GLG1: variants seen among roughly 807,000 people sequenced by gnomAD.
GLG1 encodes Golgi apparatus protein 1.
Under a neutral mutation model 160.5 loss-of-function variants are expected in GLG1, and 38 were observed. That is an observed-to-expected ratio of 0.24 (90% CI 0.18 to 0.31). The LOEUF (loss-of-function observed/expected upper bound fraction) is 0.31, where lower values mean the gene tolerates loss of function less well. Among genes scored for constraint, GLG1 ranks in the 10% least tolerant of loss-of-function variants. The pLI is 1.00. For synonymous variants in GLG1, 644 were observed against 543.4 expected, an observed-to-expected ratio of 1.19 and a Z score of -2.57; for missense variants, 1,373 against 1,505.2, an observed-to-expected ratio of 0.91 and a Z score of 1.45.
intron 11 of GLG1, among the ~76,000 whole-genome samples, chr16:74,479,488 C>G (rs1415455879): frequency 2.0e-5 from 3 of 151,516 alleles, no homozygotes; most frequent in Non-Finnish European, 4.4e-5. Context: ...TCTCACACAG[C>G]AGTATAAACA....
At chr16:74,498,447 A>ATATATATATATATATATATATACATATAT (rs1491293119) in intron 4 of GLG1, among the ~76,000 whole-genome samples, 1 of 8,208 alleles carries the variant, frequency 1.2e-4, no homozygotes, top group Non-Finnish European at 3.9e-4. Flanking sequence ...AAAAAAAAAA[A>ATATATATATATATATATATATACATATAT]GTATATATAT....
At position 74,448,053 on chromosome 16, in the gene GLG1, C is replaced by G. The variant is rs1181975018; in HGVS notation, c.*5114G>C. 3 of 152,406 alleles carry G rather than the reference C, an allele frequency of 2.0e-5. No individual in the cohort carries two copies. Among genetic ancestry groups the G allele is most frequent in the Admixed American group, 6.5e-5 (1 of 15,290 alleles). 9.4% of individuals were successfully genotyped at this position (152,406 alleles called of 1,614,324 possible). A position where few individuals can be genotyped will look rare whatever the true frequency, so the allele number is the denominator to read the frequency against. ...AGGATCCTGTCACCACCAGCCTGAG[C>G]AGACAGTCCCATCTTTGTGATCCAG... On this transcript the variant is annotated 3_prime_UTR_variant, in exon 26 of 26. Coordinates refer to ENST00000422840, the MANE Select transcript of GLG1 (RefSeq NM_001145667.2).
intron 2 of GLG1, among the ~76,000 whole-genome samples, chr16:74,523,726 A>T (rs1183671534): frequency 1.3e-5 from 2 of 151,942 alleles, no homozygotes; most frequent in East Asian, 1.9e-4. Flanking sequence ...ATATATTTTT[A>T]AAATTGGCTT....
chr16:74,538,718 A>T (rs1252306109), intron 1 of GLG1, among the ~76,000 whole-genome samples: 1 of 123,228 alleles, frequency 8.1e-6, no homozygotes, highest in East Asian at 2.6e-4. Context: ...GTCCAACGGG[A>T]GATTTTGAGA....
At chr16:74,590,293 C>T (rs934171383) in intron 1 of GLG1, among the ~76,000 whole-genome samples, 2 of 152,064 alleles carry the variant, frequency 1.3e-5, no homozygotes, top group Non-Finnish European at 2.9e-5. Context: ...GCCACCGTGC[C>T]TAGCCGATAA....
intron 6 of GLG1, 79 bp downstream of exon 6, chr16:74,494,681 A>C: frequency 1.5e-6 from 1 of 665,430 alleles, no homozygotes; most frequent in South Asian, 1.5e-5. Flanking sequence ...CTGGGATTAC[A>C]GGCGTGAGCC....
intron 1 of GLG1, among the ~76,000 whole-genome samples, chr16:74,540,730 G>C (rs987487527): frequency 1.3e-5 from 2 of 151,446 alleles, no homozygotes; most frequent in Admixed American, 1.3e-4. Flanking sequence ...TAAATTATGG[G>C]GGAAGGAAAC....
chr16:74,459,053 T>C (rs1324134991), intron 23 of GLG1, among the ~76,000 whole-genome samples: 1 of 152,172 alleles, frequency 6.6e-6, no homozygotes, highest in Non-Finnish European at 1.5e-5. Context: ...CAAAGTTATA[T>C]GGGATCATGT....
chr16:74,496,058 G>A (rs1436468699), intron 5 of GLG1, among the ~76,000 whole-genome samples: 1 of 152,150 alleles, frequency 6.6e-6, no homozygotes, highest in Non-Finnish European at 1.5e-5. Flanking sequence ...CAGGCCAGGG[G>A]TTCAAGACCA....
In GLG1 at chr16:74,485,877, T is replaced by G; in HGVS notation, c.1490A>C (p.Tyr497Ser). ...LIQETDPGAD[Y>S]RIDRALNEAC... ...TTCATTCAAAGCTCGATCAATGCGG[T>G]AATCTGCACCAGGGTCAGTCTCCTG... The change falls in exon 9 of 26, where the codon TAC becomes TCC. Residue 497 changes from tyrosine (Y) to serine (S), a missense_variant. Transcript: ENST00000422840. 6.2e-7 allele frequency: 1 copy of G among 1,611,476 alleles called. No individual in the cohort carries two copies. Among genetic ancestry groups the G allele is most frequent in the Non-Finnish European group, 8.5e-7 (1 of 1,177,588 alleles).
At chr16:74,494,976 A>C in intron 5 of GLG1, 145 bp from the exon 6 acceptor site, 5 of 455,582 alleles carry the variant, frequency 1.1e-5, no homozygotes, top group East Asian at 3.3e-5. Flanking sequence ...ATAAAATTTA[A>C]TAGGCTTTTA....
Position 74,453,329 on chromosome 16 carries a change from G to A in GLG1, c.3378C>T (p.Ala1126=), listed in dbSNP as rs2014400123. ...CAAGATCAGAGAAGCCATCTGCTGGGGCCACCTAGAATGACACAAGGCAAT... is the reference window on the plus strand; with the variant it reads ...CAAGATCAGAGAAGCCATCTGCTGGAGCCACCTAGAATGACACAAGGCAAT... ...IEMWSYAAKV[A]PADGFSDLAM... is the part of the protein sequence containing the mutation. The change falls in exon 26 of 26, where the codon GCC becomes GCT. Residue 1126 remains alanine, a synonymous_variant. Coordinates refer to ENST00000422840, the MANE Select transcript of GLG1 (RefSeq NM_001145667.2). 10 of 1,610,390 alleles carry A rather than the reference G, an allele frequency of 6.2e-6. No individual in the cohort carries two copies. Among genetic ancestry groups the A allele is most frequent in the Admixed American group, 1.7e-5 (1 of 59,980 alleles).
intron 1 of GLG1, among the ~76,000 whole-genome samples, chr16:74,565,833 T>C (rs974777415): frequency 1.3e-5 from 2 of 152,204 alleles, no homozygotes; most frequent in Non-Finnish European, 2.9e-5. Flanking sequence ...CACTGCCTAA[T>C]ACAAACCAAA....
intron 16 of GLG1, 119 bp downstream of exon 16, chr16:74,469,866 G>A (rs752054052): frequency 1.4e-6 from 1 of 715,374 alleles, no homozygotes; most frequent in Non-Finnish European, 2.6e-6. Context: ...GAGAGATGCG[G>A]GAGGCCTCCA....
At chr16:74,491,449 T>G (rs956844377) in intron 7 of GLG1, among the ~76,000 whole-genome samples, 4 of 152,164 alleles carry the variant, frequency 2.6e-5, no homozygotes, top group African/African-American at 4.8e-5. Context: ...TTTATACTAC[T>G]GCACTAATAA....
chr16:74,498,584 G>T, intron 4 of GLG1, among the ~76,000 whole-genome samples: 1 of 145,640 alleles, frequency 6.9e-6, no homozygotes, highest in Non-Finnish European at 1.5e-5. Flanking sequence ...AAAGATTCTG[G>T]CCAGGCGTGG....
At chr16:74,590,435 T>C (rs549850953) in intron 1 of GLG1, among the ~76,000 whole-genome samples, 6 of 151,498 alleles carry the variant, frequency 4.0e-5, no homozygotes, top group Non-Finnish European at 5.9e-5. Context: ...CTGACCAACA[T>C]GGAGAAACCC....
At chr16:74,543,132 A>C (rs980264567) in intron 1 of GLG1, among the ~76,000 whole-genome samples, 8 of 151,734 alleles carry the variant, frequency 5.3e-5, no homozygotes, top group Admixed American at 2.0e-4. Context: ...AATGTGCTGA[A>C]CTCTTTCTGT....
In GLG1 at chr16:74,485,801, G is replaced by C; in HGVS notation, c.1566C>G (p.Asp522Glu). ...CCATGGAGAAGATAACTTACATTGG[G>C]TCTCCAGATCTTATATGTTTGCAGG... is the stretch of plus-strand genomic sequence containing the variant. ...QTACKHIRSGDPMILSCLMEH... is the reference protein window; with the variant it reads ...QTACKHIRSGEPMILSCLMEH... The change falls in exon 9 of 26, where the codon GAC becomes GAG. Residue 522 changes from aspartate to glutamate, a missense_variant. By Grantham distance (45) the Asp-to-Glu change is conservative. Around this residue, in one of 4 missense-constraint regions of GLG1, gnomAD observed 386 missense variants for 388.5 expected, o/e 0.99. Transcript: ENST00000422840. 1 of 1,612,146 alleles carries C rather than the reference G, an allele frequency of 6.2e-7. No individual in the cohort carries two copies. The highest frequency in any genetic ancestry group is 8.5e-7 in the Non-Finnish European group (1 of 1,178,776).
Sources: gnomAD v4.1 joint callset for allele counts (sites outside exome capture counted in the v4.1 genomes callset) on GRCh38, gnomAD v4.1.1 for gene constraint, gnomAD v4.1.1 regional missense constraint, MANE v1.5 for transcripts, NCBI Gene and HGNC (gene_info 2026-07-23, HGNC 2026-07-21) for gene names.